Variants in ADCY4 observed in about 807,000 individuals in gnomAD.
ADCY4 encodes the protein adenylate cyclase 4, also known as adenylate cyclase type 4.
A neutral mutation model predicts 125.5 loss-of-function variants in ADCY4; 111 were observed. The observed-to-expected ratio is 0.88, with a 90% CI of 0.76 to 1.04. The LOEUF is 1.04. Ranked by LOEUF, ADCY4 falls within the 50% of genes least tolerant of loss-of-function variation. The pLI is 0.00. For synonymous variants in ADCY4, 576 were observed against 586.9 expected, an observed-to-expected ratio of 0.98 and a Z score of 0.27; for missense variants, 1,256 against 1,382.9, an observed-to-expected ratio of 0.91 and a Z score of 1.46.
intron 6 of ADCY4, chr14:24,330,551 C>T (rs918525251): frequency 1.3e-5 from 6 of 461,044 alleles, no homozygotes; most frequent in African/African-American, 9.8e-5. Context: ...GAAGGGGGTA[C>T]CCAGAGTTGA....
intron 6 of ADCY4, 22 bp from the exon 7 acceptor site, chr14:24,330,317 T>A (rs1488580239): frequency 1.2e-6 from 2 of 1,613,510 alleles, no homozygotes; most frequent in South Asian, 1.1e-5. Context: ...TATGTGGGTG[T>A]GCAGAGGAAC....
In ADCY4 at chr14:24,331,033, G is replaced by A. The variant is rs772375376; in HGVS notation, c.915C>T (p.Phe305=). 7 of 1,608,216 alleles carry A rather than the reference G, an allele frequency of 4.4e-6. No individual in the cohort carries two copies. Among genetic ancestry groups the A allele is most frequent in the Middle Eastern group, 1.7e-4 (1 of 5,914 alleles). ...VLMLNELFGK[F]DQIAKEHECM... ...CTTCTCTGACCTTGGCAATCTGGTC[G>A]AACTTGCCAAAGAGCTCATTGAGCA... The change falls in exon 6 of 25, where the codon TTC becomes TTT. Residue 305 remains phenylalanine, a synonymous_variant. Transcript: ENST00000418030.
In ADCY4 at chr14:24,322,149, C is replaced by G. The variant is rs576458315; in HGVS notation, c.2503G>C (p.Glu835Gln). 6.2e-7 allele frequency: 1 copy of G among 1,614,136 alleles called. No homozygotes were observed. Among genetic ancestry groups the G allele is most frequent in the Non-Finnish European group, 8.5e-7 (1 of 1,180,016 alleles). The change falls in exon 20 of 25, where the codon GAG (glutamate) becomes CAG (glutamine). Residue 835 changes from glutamate (E) to glutamine (Q), a missense_variant. Transcript: ENST00000418030. ...RQEREETETM[E>Q]NLTRLLLENV... ...TCCAAGAGCAGCCGAGTCAGGTTCT[C>G]CATCGTCTCTGTCTCCTCCCTCTCC...
rs748680409 is a variant in ADCY4, at chr14:24,332,654, C to T, written c.387G>A (p.Thr129=). The T allele has an allele frequency of 1.9e-6, 3 of 1,588,570 alleles. No individual in the cohort carries two copies. The highest frequency in any genetic ancestry group is 2.6e-6 in the Non-Finnish European group (3 of 1,167,780). ...QVSYFLFVIF[T]AYAMLPLGMR... ...TGCCCAAGGGCAGCATGGCATACGC[C>T]GTGAAGATGACGAAGAGAAAATAGG... Residue 129 remains threonine (T), a synonymous_variant, in exon 3 of 25, where the codon ACG becomes ACA. Coordinates refer to ENST00000418030, the MANE Select transcript of ADCY4 (RefSeq NM_001198568.2).
At chr14:24,330,473 A>G in intron 6 of ADCY4, 178 bp from the exon 7 acceptor site, 1 of 821,318 alleles carries the variant, frequency 1.2e-6, no homozygotes, top group Non-Finnish European at 1.8e-6. Context: ...TCTTTCATAC[A>G]GATCTCTTTC....
intron 1 of ADCY4, 152 bp from the exon 2 acceptor site, chr14:24,333,140 C>T (rs757686124): frequency 5.8e-6 from 4 of 684,954 alleles, no homozygotes; most frequent in Admixed American, 3.5e-5. Context: ...GCTTGCCATT[C>T]ACTTTAGGTT....
rs1305691789 is a variant in ADCY4 at position 24,326,288 on chromosome 14, G to A, written c.1568+11C>T. The A allele has an allele frequency of 6.2e-7, 1 of 1,614,042 alleles. No homozygotes were observed. Among genetic ancestry groups the A allele is most frequent in the Non-Finnish European group, 8.5e-7 (1 of 1,180,012 alleles). ...ACAGCCCCACTGGCAAAGACTTTGA[G>A]GCCTCCTCACCGATCCAGGCTCCAC... On this transcript the variant is annotated intron_variant, in intron 11 of 24. Transcript: ENST00000418030.
intron 2 of ADCY4, 26 bp downstream of exon 2, chr14:24,332,765 G>C (rs1339080251): frequency 6.5e-7 from 1 of 1,532,106 alleles, no homozygotes; most frequent in East Asian, 2.4e-5. Flanking sequence ...GGCCGTCCCC[G>C]CTGCCCCGCC....
rs755725587 is a variant in ADCY4 at position 24,319,295 on chromosome 14, G to A, written c.2841+34C>T. On this transcript the variant is annotated intron_variant, in intron 22 of 24. Transcript: ENST00000418030. The surrounding 1 kb of genome is among the most constrained non-coding windows in gnomAD (Gnocchi z 4.5). ...TAATAAGCCCATCAATGAGAGCCCA[G>A]AGGAGGATGGTAGGTAAGGAAGGGT... 6.2e-7 allele frequency: 1 copy of A among 1,612,752 alleles called. No homozygotes were observed. Among genetic ancestry groups the A allele is most frequent in the African/African-American group, 1.3e-5 (1 of 74,872 alleles).
intron 1 of ADCY4, 94 bp downstream of exon 1, chr14:24,334,400 G>A (rs914700063): frequency 1.4e-6 from 2 of 1,450,676 alleles, no homozygotes; most frequent in Non-Finnish European, 1.8e-6. Flanking sequence ...TCTGCTCCCA[G>A]CAACGAAAAC....
chr14:24,333,947 G>A (rs1295115674), intron 1 of ADCY4, among the ~76,000 whole-genome samples: 1 of 152,192 alleles, frequency 6.6e-6, no homozygotes, highest in Non-Finnish European at 1.5e-5. Flanking sequence ...AGGATTGGCC[G>A]CGCCCGGTGA....
intron 10 of ADCY4, among the ~76,000 whole-genome samples, chr14:24,328,008 C>T (rs905702984): frequency 1.2e-4 from 18 of 152,162 alleles, no homozygotes; most frequent in Non-Finnish European, 2.2e-4. Context: ...TAGGAAAAAC[C>T]AGGCCATACA....
intron 23 of ADCY4, 78 bp from the exon 24 acceptor site, chr14:24,318,856 A>G (rs2041809451): frequency 1.3e-6 from 2 of 1,595,212 alleles, no homozygotes; most frequent in Middle Eastern, 1.9e-4. Flanking sequence ...GAAGGAAGGG[A>G]GAAGAGCCTG....
chr14:24,322,512 C>G, intron 19 of ADCY4, 112 bp downstream of exon 19: 1 of 1,167,464 alleles, frequency 8.6e-7, no homozygotes, highest in East Asian at 2.5e-5. Context: ...AGCAGGAAGG[C>G]TCGCTTAGAA....
chr14:24,332,047 CCTAA>C (rs2042049738), intron 3 of ADCY4, 110 bp from the exon 4 acceptor site: 2 of 1,318,300 alleles, frequency 1.5e-6, no homozygotes, highest in Admixed American at 3.4e-5. Flanking sequence ...CAGTGAGGGA[CCTAA>C]CTATTGTGGG....
chr14:24,325,824 C>T lies in ADCY4; in HGVS notation c.1719G>A (p.Glu573=). 6.3e-7 allele frequency: 1 copy of T among 1,596,308 alleles called. No homozygotes were observed. Among genetic ancestry groups the T allele is most frequent in the Non-Finnish European group, 8.6e-7 (1 of 1,169,426 alleles). ...LTLYFREKEM[E]KEYRLSAIPA... Reference sequence around the variant, plus strand: ...CACCCACACCACAGCCCACCTCTTTCTCCATCTCCTTCTCTCTGAAGTACA... The same window carrying T: ...CACCCACACCACAGCCCACCTCTTTTTCCATCTCCTTCTCTCTGAAGTACA... Residue 573 remains glutamate (E), a synonymous_variant, in exon 13 of 25, where the codon GAG becomes GAA. Transcript: ENST00000418030.
chr14:24,327,421 G>A (rs1395398693), intron 10 of ADCY4, among the ~76,000 whole-genome samples: 1 of 152,128 alleles, frequency 6.6e-6, no homozygotes, highest in Non-Finnish European at 1.5e-5. Flanking sequence ...CAGTCCCTGG[G>A]CTTGTAGCAG....
chr14:24,331,127 A>C lies in ADCY4; in HGVS notation c.821T>G (p.Val274Gly). ...LYVKRHQGVS[V>G]LYADIVGFTR... ...GAAGCCCACGATGTCAGCATACAGC[A>C]CGCTGCATAGGGCAGACTGTGTCAG... is the stretch of plus-strand genomic sequence containing the variant. Residue 274 changes from valine to glycine, a missense_variant and splice_region_variant, in exon 6 of 25, where the codon GTG (valine) becomes GGG (glycine). Val to Gly is a moderately radical substitution (Grantham distance 109). Transcript: ENST00000418030. The C allele has an allele frequency of 5.0e-6, 8 of 1,613,244 alleles. No individual in the cohort carries two copies. Among genetic ancestry groups the C allele is most frequent in the Non-Finnish European group, 6.8e-6 (8 of 1,179,310 alleles).
In ADCY4 at chr14:24,324,146, G is replaced by A; in HGVS notation, c.1962C>T (p.Gly654=). 1 of 1,614,246 alleles carries A rather than the reference G, an allele frequency of 6.2e-7. No individual in the cohort carries two copies. ...KMLHWLPALS[G]LVATRPGLRI... Reference sequence around the variant, plus strand: ...TCAGTCCTGGTCGTGTGGCCACCAGGCCAGACAGTGCAGGCAGCCAGTGCA... The same window carrying A: ...TCAGTCCTGGTCGTGTGGCCACCAGACCAGACAGTGCAGGCAGCCAGTGCA... Residue 654 remains glycine, a synonymous_variant, in exon 16 of 25, where the codon GGC becomes GGT. Transcript: ENST00000418030.
Sources: gnomAD v4.1 joint callset for allele counts (sites outside exome capture counted in the v4.1 genomes callset) on GRCh38, gnomAD v4.1.1 for gene constraint, Gnocchi (gnomAD v3.1) non-coding constraint, MANE v1.5 for transcripts, NCBI Gene and HGNC (gene_info 2026-07-23, HGNC 2026-07-21) for gene names.